Variants in SIRPB1 observed in about 807,000 individuals in gnomAD.
SIRPB1 encodes the protein signal-regulatory protein beta-1.
In SIRPB1, 28 loss-of-function variants were observed where a neutral mutation model predicts 34.1. That is an observed-to-expected ratio of 0.82 (90% CI 0.61 to 1.12). The LOEUF is 1.12. SIRPB1 is among the 50% of genes most tolerant of loss of function. The pLI is 0.00. For missense variants in SIRPB1, 499 were observed against 507.0 expected, an observed-to-expected ratio of 0.98 and a Z score of 0.15; for synonymous variants, 211 against 203.8, an observed-to-expected ratio of 1.04 and a Z score of -0.30.
At chr20:1,571,229 G>T (rs934376017) in intron 3 of SIRPB1, 92 bp from the exon 4 acceptor site, 6 of 1,295,406 alleles carry the variant, frequency 4.6e-6, no homozygotes, top group East Asian at 2.4e-5. Context: ...CACAGTGAGG[G>T]CATCACCAGG....
chr20:1,578,427 G>A lies in SIRPB1; in HGVS notation c.344C>T (p.Ala115Val). 6.3e-7 allele frequency: 1 copy of A among 1,585,118 alleles called. No individual in the cohort carries two copies. Among genetic ancestry groups the A allele is most frequent in the Non-Finnish European group, 8.6e-7 (1 of 1,158,648 alleles). Reference sequence around the variant, plus strand: ...GAACTTCACACAGTAGTAGGTGCCGGCGTCTGCTGGGGTGATGTTACTGAT... The same window carrying A: ...GAACTTCACACAGTAGTAGGTGCCGACGTCTGCTGGGGTGATGTTACTGAT... ...ISISNITPAD[A>V]GTYYCVKFRK... Residue 115 changes from alanine to valine, a missense_variant, in exon 2 of 6, where the codon GCC (alanine) becomes GTC (valine). Physicochemically the swap from Ala to Val is moderately conservative, Grantham distance 64 (BLOSUM62 0). Coordinates refer to ENST00000381605, the MANE Select transcript of SIRPB1 (RefSeq NM_006065.5).
At chr20:1,567,534 G>T (rs2091157817) in intron 4 of SIRPB1, among the ~76,000 whole-genome samples, 1 of 152,194 alleles carries the variant, frequency 6.6e-6, no homozygotes, top group South Asian at 2.1e-4. Flanking sequence ...CAGAGAAACT[G>T]TCCTTGGGAA....
At chr20:1,579,287 G>C (rs1389430043) in intron 1 of SIRPB1, among the ~76,000 whole-genome samples, 1 of 148,280 alleles carries the variant, frequency 6.7e-6, no homozygotes, top group Non-Finnish European at 1.5e-5. Flanking sequence ...TTTGGGTTGA[G>C]GACCTGAGTA....
At chr20:1,566,651 C>A (rs532028783) in intron 4 of SIRPB1, among the ~76,000 whole-genome samples, 1 of 152,226 alleles carries the variant, frequency 6.6e-6, no homozygotes, top group South Asian at 2.1e-4. Flanking sequence ...TTAGTAGGAT[C>A]CAAACCTAGG....
Position 1,569,812 on chromosome 20 carries a change from C to A in SIRPB1, c.1084+993G>T, listed in dbSNP as rs550550874. ...GGCCCTGATGGGGAAGTTGTGGGAC[C>A]CTGAGATGTGGGAGGATGTATTCGG... is the stretch of plus-strand genomic sequence containing the variant. On this transcript the variant is annotated intron_variant, in intron 4 of 5. Coordinates refer to ENST00000381605, the MANE Select transcript of SIRPB1 (RefSeq NM_006065.5). Among the ~76,000 whole-genome samples, 15 of 152,232 alleles carry A rather than the reference C, an allele frequency of 9.9e-5. No individual in the cohort carries two copies. The South Asian group carries it at 3.1e-3, about 32-fold the overall frequency.
intron 1 of SIRPB1, among the ~76,000 whole-genome samples, chr20:1,580,393 T>A (rs1047827032): frequency 7.0e-6 from 1 of 143,056 alleles, no homozygotes; most frequent in African/African-American, 2.6e-5. Context: ...GATATTAAAA[T>A]CACTGCCTTA....
chr20:1,570,586 C>G, intron 4 of SIRPB1: 2 of 448,032 alleles, frequency 4.5e-6, no homozygotes, highest in Non-Finnish European at 3.9e-6. Flanking sequence ...ACTTGACGCA[C>G]AGTTTCTCCT....
intron 4 of SIRPB1, among the ~76,000 whole-genome samples, chr20:1,567,309 G>C (rs1378455719): frequency 2.6e-5 from 4 of 152,198 alleles, no homozygotes; most frequent in African/African-American, 9.6e-5. Flanking sequence ...TTGGGAATAT[G>C]AAGGGCCAGC....
chr20:1,564,650 C>T lies in SIRPB1; in HGVS notation c.*850G>A, dbSNP rs1229573073. 1.8e-5 allele frequency: 6 copies of T among 331,976 alleles called. No individual in the cohort carries two copies. Among genetic ancestry groups the T allele is most frequent in the African/African-American group, 4.2e-5 (2 of 47,236 alleles). 20.6% of individuals were successfully genotyped at this position (331,976 alleles called of 1,614,324 possible). On this transcript the variant is annotated 3_prime_UTR_variant, in exon 6 of 6. Transcript: ENST00000381605. ...TTCCAGCAGCAGGCTTGGACTGGGC[C>T]CTGAAAACCAATTGTTAAATTTCAG...
chr20:1,568,375 A>G (rs2091172544), intron 4 of SIRPB1, among the ~76,000 whole-genome samples: 1 of 152,122 alleles, frequency 6.6e-6, no homozygotes, highest in Non-Finnish European at 1.5e-5. Flanking sequence ...ACAACCTAAA[A>G]TGCATTTCCA....
chr20:1,571,790 G>GCAGATGAC lies in SIRPB1; in HGVS notation c.673_680dup (p.Cys227TrpfsTer6), dbSNP rs1342767394. ...CCTGCAAGGTGATGTGGGCTATCTC[G>GCAGATGAC]CAGATGACTTGAGAGTGAACGTCCC... On this transcript the variant is annotated frameshift_variant, in exon 3 of 6. Transcript: ENST00000381605. LOFTEE classifies it high-confidence loss of function. 1 of 1,614,110 alleles carries GCAGATGAC rather than the reference G, an allele frequency of 6.2e-7. No homozygotes were observed. The highest frequency in any genetic ancestry group is 8.5e-7 in the Non-Finnish European group (1 of 1,180,046).
chr20:1,567,441 C>T (rs903567852), intron 4 of SIRPB1, among the ~76,000 whole-genome samples: 2 of 152,232 alleles, frequency 1.3e-5, no homozygotes, highest in Non-Finnish European at 2.9e-5. Context: ...TACACTCCTG[C>T]CTCCTCATTC....
Position 1,584,421 on chromosome 20 carries a change from A to T in SIRPB1, c.77-5727T>A, listed in dbSNP as rs2091414470. Among the ~76,000 whole-genome samples, 2 of 49,534 alleles carry T rather than the reference A, an allele frequency of 4.0e-5. 1 individual carries two copies. Among genetic ancestry groups the T allele is most frequent in the African/African-American group, 2.7e-4 (2 of 7,536 alleles). 32.5% of individuals were successfully genotyped at this position (49,534 alleles called of 152,430 possible). Reference sequence around the variant, plus strand: ...GAATCAACAAACAAATAGGCCACAGATATAAGATATAAAATTAATTGGTAA... The same window carrying T: ...GAATCAACAAACAAATAGGCCACAGTTATAAGATATAAAATTAATTGGTAA... On this transcript the variant is annotated intron_variant, in intron 1 of 5. Coordinates refer to ENST00000381605, the MANE Select transcript of SIRPB1 (RefSeq NM_006065.5).
intron 1 of SIRPB1, among the ~76,000 whole-genome samples, chr20:1,617,306 A>C (rs2091644143): frequency 6.6e-6 from 1 of 152,218 alleles, no homozygotes; most frequent in Admixed American, 6.5e-5. Flanking sequence ...CCATCAGCAG[A>C]TAAATGGAGA....
rs1398875232 is a variant in SIRPB1 at position 1,584,300 on chromosome 20, G to A, written c.77-5606C>T. ...AATTGCACAAAAGAAGTAAATAAAA[G>A]GCATTCAAATCACAAAGGAAGAAGA... On this transcript the variant is annotated intron_variant, in intron 1 of 5. Transcript: ENST00000381605. 8.2e-5 allele frequency among the ~76,000 whole-genome samples: 4 copies of A among 48,822 alleles called. 1 individual carries two copies. Among genetic ancestry groups the A allele is most frequent in the Admixed American group, 1.4e-4 (1 of 7,212 alleles). The allele number at this position is 48,822 out of a possible 152,430, so 32.0% of individuals were successfully genotyped here.
At chr20:1,598,223 T>G in intron 1 of SIRPB1, 1 of 371,788 alleles carries the variant, frequency 2.7e-6, no homozygotes, top group Admixed American at 1.2e-4. Context: ...CTGCTCATCA[T>G]TTAAGAAACA....
rs929892478 is a variant in SIRPB1 at position 1,570,480 on chromosome 20, G to A, written c.1084+325C>T. 1.3e-4 allele frequency: 27 copies of A among 211,522 alleles called. 1 individual carries two copies. Among genetic ancestry groups the A allele is most frequent in the South Asian group, 9.4e-4 (10 of 10,606 alleles). 13.1% of individuals were successfully genotyped at this position (211,522 alleles called of 1,614,324 possible). ...GCTGGCGAGAAATGCAGAAGAAGGC[G>A]AGACACAGGACTTCATAAACAAACG... is the stretch of plus-strand genomic sequence containing the variant. On this transcript the variant is annotated intron_variant, in intron 4 of 5. Coordinates refer to ENST00000381605, the MANE Select transcript of SIRPB1 (RefSeq NM_006065.5).
In SIRPB1 at chr20:1,619,878, T is replaced by C. The variant is rs1535882; in HGVS notation, c.67A>G (p.Arg23Gly). ...PFLLMTLLLGRLTGVAGEDEL... is the reference protein window; with the variant it reads ...PFLLMTLLLGGLTGVAGEDEL... The stretch of plus-strand genomic sequence containing the variant: ...CGAAGGCAGTGCTCACCTGTGAGTC[T>C]CCCCAGCAGTAGCGTCATCAGCAGG... Residue 23 changes from arginine to glycine, a missense_variant, in exon 1 of 6, where the codon AGA becomes GGA. By Grantham distance (125) the Arg-to-Gly change is moderately radical. Transcript: ENST00000381605. 537,721 of 1,610,332 alleles carry C rather than the reference T, an allele frequency of 0.33. 92,816 individuals carry two copies. The highest frequency in any genetic ancestry group is 0.42 in the Admixed American group (25,364 of 59,790).
chr20:1,567,651 C>CTTGCTGTTGTG (rs2091159881), intron 4 of SIRPB1, among the ~76,000 whole-genome samples: 1 of 152,218 alleles, frequency 6.6e-6, no homozygotes, highest in South Asian at 2.1e-4. Flanking sequence ...GAAGCCGTGA[C>CTTGCTGTTGTG]TTGCTGTTGT....
Sources: gnomAD v4.1 joint callset for allele counts (sites outside exome capture counted in the v4.1 genomes callset) on GRCh38, gnomAD v4.1.1 for gene constraint, MANE v1.5 for transcripts, NCBI Gene and HGNC (gene_info 2026-07-23, HGNC 2026-07-21) for gene names.